Variants in DLGAP2 observed in about 807,000 individuals in gnomAD.
DLGAP2 encodes DLG associated protein 2.
DLGAP2 carries 26 observed loss-of-function variants against 100.3 expected under a neutral mutation model. That is an observed-to-expected ratio of 0.26 (90% confidence interval 0.19 to 0.36). The LOEUF is 0.36. Ranked by LOEUF, DLGAP2 falls within the 10% of genes least tolerant of loss-of-function variation. The pLI is 1.00. For missense variants in DLGAP2, 1,858 were observed against 1,453.2 expected (o/e 1.28, Z -4.53); for synonymous variants, 886 against 630.1 (o/e 1.41, Z -6.08).
At chr8:896,509 A>G (rs1341918968) in intron 1 of DLGAP2, among the ~76,000 whole-genome samples, 2 of 152,092 alleles carry the variant, frequency 1.3e-5, no homozygotes, top group Non-Finnish European at 1.5e-5. Context: ...CATGGACTGA[A>G]CATGTCCCCC....
intron 2 of DLGAP2, among the ~76,000 whole-genome samples, chr8:976,325 G>C (rs1392923113): frequency 6.6e-6 from 1 of 152,146 alleles, no homozygotes; most frequent in African/African-American, 2.4e-5. Flanking sequence ...AATAGACTCA[G>C]TGCAGGCCGG....
chr8:960,680 A>G lies in DLGAP2; in HGVS notation c.73+52714A>G, dbSNP rs150032141. Reference sequence around the variant, plus strand: ...TTTACTTATCTGATAGATACTGGAAATTGGACATACATTTAATTTACAGAT... The same window carrying G: ...TTTACTTATCTGATAGATACTGGAAGTTGGACATACATTTAATTTACAGAT... On this transcript the variant is annotated intron_variant, in intron 2 of 14. Coordinates refer to ENST00000637795, the MANE Select transcript of DLGAP2 (RefSeq NM_001346810.2). Among the ~76,000 whole-genome samples the G allele has an allele frequency of 3.0e-4, 46 of 152,350 alleles. 1 individual carries two copies. Among genetic ancestry groups the G allele is most frequent in the African/African-American group, 1.1e-3 (45 of 41,586 alleles).
chr8:1,627,864 G>C (rs36103948), intron 7 of DLGAP2, among the ~76,000 whole-genome samples: 34 of 112,332 alleles, frequency 3.0e-4, no homozygotes, highest in African/African-American at 6.2e-4. Context: ...CTCACATTCT[G>C]TCTGACTTAC....
intron 3 of DLGAP2, among the ~76,000 whole-genome samples, chr8:1,272,935 A>G (rs972494243): frequency 6.6e-6 from 1 of 152,082 alleles, no homozygotes; most frequent in African/African-American, 2.4e-5. Context: ...TGAAAAGAGG[A>G]GCTTCTGTGC....
intron 3 of DLGAP2, among the ~76,000 whole-genome samples, chr8:1,485,234 G>A (rs1265335841): frequency 6.6e-6 from 1 of 151,974 alleles, no homozygotes; most frequent in Non-Finnish European, 1.5e-5. Context: ...CGCTTTTTTT[G>A]TATAATTTTG....
chr8:1,095,412 T>A (rs2701957), intron 2 of DLGAP2, among the ~76,000 whole-genome samples: 115,473 of 152,052 alleles, frequency 0.76, 47,551 homozygotes, highest in Non-Finnish European at 0.94. Flanking sequence ...GGGGTTCTTG[T>A]TGGGATCCTC....
At chr8:1,216,844 T>C (rs1798223349) in intron 2 of DLGAP2, among the ~76,000 whole-genome samples, 1 of 152,134 alleles carries the variant, frequency 6.6e-6, no homozygotes, top group Non-Finnish European at 1.5e-5. Flanking sequence ...TTTTCTGTCT[T>C]AGTTGGGGGA....
At chr8:1,055,224 C>T (rs749818113) in intron 2 of DLGAP2, among the ~76,000 whole-genome samples, 4 of 152,276 alleles carry the variant, frequency 2.6e-5, no homozygotes, top group Non-Finnish European at 5.9e-5. Context: ...AAACATAAAG[C>T]GCTTTTGCTG....
intron 2 of DLGAP2, among the ~76,000 whole-genome samples, chr8:1,173,202 C>T (rs7814224): frequency 0.19 from 28,433 of 152,128 alleles, 2,836 homozygotes; most frequent in Middle Eastern, 0.34. Flanking sequence ...AGTGGTTTTT[C>T]GTGAACCGCG....
At chr8:1,455,151 T>G (rs924014016) in intron 3 of DLGAP2, among the ~76,000 whole-genome samples, 3 of 152,212 alleles carry the variant, frequency 2.0e-5, no homozygotes, top group Non-Finnish European at 4.4e-5. Context: ...GCGGCTGGTC[T>G]GAGAGCCCGT....
chr8:1,274,338 A>C (rs1271960155), intron 3 of DLGAP2, among the ~76,000 whole-genome samples: 2 of 152,214 alleles, frequency 1.3e-5, no homozygotes, highest in African/African-American at 2.4e-5. Context: ...TGTGAACGTG[A>C]AAATAAGCCA....
At chr8:1,641,286 G>A (rs985787162) in intron 8 of DLGAP2, among the ~76,000 whole-genome samples, 4 of 152,154 alleles carry the variant, frequency 2.6e-5, no homozygotes, top group South Asian at 2.1e-4. Context: ...AGAATTGCTC[G>A]GGTGAGAACA....
chr8:1,523,823 G>A (rs187289259), intron 4 of DLGAP2, among the ~76,000 whole-genome samples: 1 of 152,322 alleles, frequency 6.6e-6, no homozygotes, highest in African/African-American at 2.4e-5. Context: ...GCACGTCACA[G>A]CATTTAAAAG....
chr8:1,553,218 C>T (rs987394195), intron 5 of DLGAP2, among the ~76,000 whole-genome samples: 1 of 152,232 alleles, frequency 6.6e-6, no homozygotes, highest in African/African-American at 2.4e-5. Flanking sequence ...CAGGCCTCCT[C>T]TCTGCAGCCT....
At chr8:1,475,840 A>G (rs1473849055) in intron 3 of DLGAP2, among the ~76,000 whole-genome samples, 1 of 152,154 alleles carries the variant, frequency 6.6e-6, no homozygotes, top group East Asian at 1.9e-4. Context: ...ACCAAATGGA[A>G]AGGTTCAATT....
At chr8:1,437,359 C>G (rs1489768458) in intron 3 of DLGAP2, among the ~76,000 whole-genome samples, 2 of 152,240 alleles carry the variant, frequency 1.3e-5, no homozygotes, top group Middle Eastern at 3.2e-3. Flanking sequence ...GGCCACCTTA[C>G]GTTTCTCTGA....
At chr8:915,278 T>G (rs1798566793) in intron 2 of DLGAP2, among the ~76,000 whole-genome samples, 1 of 152,204 alleles carries the variant, frequency 6.6e-6, no homozygotes, top group South Asian at 2.1e-4. Flanking sequence ...CTGGGCGCGG[T>G]GGCTCACGCC....
chr8:1,484,452 C>T (rs566433919), intron 3 of DLGAP2, among the ~76,000 whole-genome samples: 53 of 152,368 alleles, frequency 3.5e-4, no homozygotes, highest in South Asian at 1.5e-3. Flanking sequence ...CTTAGGCCTG[C>T]GACTGGACGG....
intron 1 of DLGAP2, among the ~76,000 whole-genome samples, chr8:752,530 G>A (rs1246977096): frequency 6.6e-6 from 1 of 152,196 alleles, no homozygotes; most frequent in Non-Finnish European, 1.5e-5. Context: ...CTCGGTGTGG[G>A]GTCAGCACCA....
Sources: allele counts gnomAD v4.1 joint callset (sites outside exome capture counted in the v4.1 genomes callset), GRCh38; gene constraint gnomAD v4.1.1; transcripts MANE v1.5; gene names NCBI Gene and HGNC (gene_info 2026-07-23, HGNC 2026-07-21).